The following MON1A variants were observed in gnomAD, a reference collection of about 807,000 sequenced individuals.
The protein encoded by MON1A is vacuolar fusion protein MON1 homolog A.
Under a neutral mutation model 44.6 loss-of-function variants are expected in MON1A, and 29 were observed. The ratio of observed to expected loss-of-function variants is 0.65; its 90% CI spans 0.48 to 0.89. The LOEUF is 0.89. MON1A is among the 40% of genes least tolerant of loss of function. The pLI, the probability that MON1A is intolerant of heterozygous loss-of-function variation, is 0.00. For missense variants in MON1A, 615 were observed against 759.6 expected (o/e 0.81, Z 2.24); for synonymous variants, 275 against 316.4 (o/e 0.87, Z 1.39).
At chr3:49,915,353 C>A (rs1207348723) in intron 1 of MON1A, among the ~76,000 whole-genome samples, 2 of 152,132 alleles carry the variant, frequency 1.3e-5, no homozygotes, top group Non-Finnish European at 2.9e-5. Context: ...CAAAGTGAGA[C>A]CCTGTCTCTA....
intron 1 of MON1A, among the ~76,000 whole-genome samples, chr3:49,921,434 A>T (rs546196303): frequency 5.6e-4 from 84 of 148,880 alleles, no homozygotes; most frequent in African/African-American, 1.9e-3. Flanking sequence ...CTGGGATTAC[A>T]GGCCTGAGCC....
intron 1 of MON1A, among the ~76,000 whole-genome samples, chr3:49,922,448 C>T (rs930117046): frequency 2.0e-5 from 3 of 150,418 alleles, no homozygotes; most frequent in Admixed American, 6.7e-5. Context: ...TGCCACCACA[C>T]TCCACCCTGG....
chr3:49,919,876 C>T (rs2082981612), intron 1 of MON1A, among the ~76,000 whole-genome samples: 1 of 152,332 alleles, frequency 6.6e-6, no homozygotes, highest in Non-Finnish European at 1.5e-5. Flanking sequence ...GGAATCCAAG[C>T]CACTAGCACC....
At chr3:49,929,412 A>G in intron 1 of MON1A, 197 bp downstream of exon 1, 5 of 670,030 alleles carry the variant, frequency 7.5e-6, no homozygotes, top group Non-Finnish European at 1.3e-5. Flanking sequence ...CAGCCAAAGG[A>G]TGGGTTCCAG....
chr3:49,918,340 A>G (rs2082966266), intron 1 of MON1A, among the ~76,000 whole-genome samples: 1 of 151,988 alleles, frequency 6.6e-6, no homozygotes, highest in African/African-American at 2.4e-5. Flanking sequence ...TCTGTCTCAA[A>G]AAAAAAGAAC....
At chr3:49,914,070 A>G (rs1369641724) in intron 1 of MON1A, among the ~76,000 whole-genome samples, 1 of 149,932 alleles carries the variant, frequency 6.7e-6, no homozygotes, top group East Asian at 2.0e-4. Flanking sequence ...ACAGCCAGCT[A>G]ATTTTCTTTT....
At chr3:49,928,540 T>C (rs957265131) in intron 1 of MON1A, among the ~76,000 whole-genome samples, 5 of 152,116 alleles carry the variant, frequency 3.3e-5, no homozygotes, top group Admixed American at 2.6e-4. Context: ...CAATCAGCCC[T>C]TGTAGTGTGC....
intron 2 of MON1A, 60 bp downstream of exon 2, chr3:49,913,160 T>C: frequency 6.2e-7 from 1 of 1,606,782 alleles, no homozygotes; most frequent in Non-Finnish European, 8.5e-7. Context: ...TTGGGAATCC[T>C]AATTCCCCCT....
At position 49,911,471 on chromosome 3, in the gene MON1A, T is replaced by C; in HGVS notation, c.613+55A>G. 6.4e-7 allele frequency: 1 copy of C among 1,552,664 alleles called. No homozygotes were observed. ...TGGTCTGCAGGGGTCCAAAACCTGC[T>C]ATGAATGAACCTTGGCCAGGGGAGC... is the stretch of plus-strand genomic sequence containing the variant. On this transcript the variant is annotated intron_variant, in intron 3 of 5. Coordinates refer to ENST00000296473, the MANE Select transcript of MON1A (RefSeq NM_032355.4). This position sits in a 1 kb window ranked among gnomAD's most constrained non-coding sequence, Gnocchi z 5.7.
intron 1 of MON1A, among the ~76,000 whole-genome samples, chr3:49,919,216 C>T (rs949844699): frequency 3.9e-5 from 6 of 152,040 alleles, no homozygotes; most frequent in African/African-American, 9.7e-5. Flanking sequence ...TGGGGGTGTT[C>T]GCTTTGTAAT....
At chr3:49,913,955 A>G (rs1177227839) in intron 1 of MON1A, among the ~76,000 whole-genome samples, 2 of 146,512 alleles carry the variant, frequency 1.4e-5, no homozygotes, top group African/African-American at 5.1e-5. Context: ...ACAGGGTCTC[A>G]CTCTGTTGCC....
At position 49,911,425 on chromosome 3, in the gene MON1A, A is replaced by C; in HGVS notation, c.613+101T>G. ...GAGGTAGAGGGACTTACCCTCAGTC[A>C]CACAGCACATCCCAGCCCTCTGGTC... is the stretch of plus-strand genomic sequence containing the variant. On this transcript the variant is annotated intron_variant, in intron 3 of 5. Transcript: ENST00000296473. The surrounding 1 kb of genome is among the most constrained non-coding windows in gnomAD (Gnocchi z 5.7). 1.4e-6 allele frequency: 2 copies of C among 1,480,624 alleles called. No homozygotes were observed. Among genetic ancestry groups the C allele is most frequent in the Non-Finnish European group, 1.8e-6 (2 of 1,111,370 alleles). 91.7% of individuals were successfully genotyped at this position (1,480,624 alleles called of 1,614,324 possible).
rs536053798 is a variant in MON1A at position 49,910,727 on chromosome 3, C to T, written c.771G>A (p.Gln257=). Residue 257 remains glutamine, a synonymous_variant, in exon 4 of 6, where the codon CAG becomes CAA. Transcript: ENST00000296473. The surrounding 1 kb of genome is among the most constrained non-coding windows in gnomAD (Gnocchi z 8.0). Reference sequence around the variant, plus strand: ...GCCGCAAATCATAGTTCTGCTTCTGCTGGAAGATGTGGCTCAGCTGCGCAC... The same window carrying T: ...GCCGCAAATCATAGTTCTGCTTCTGTTGGAAGATGTGGCTCAGCTGCGCAC... ...LTGAQLSHIF[Q]QKQNYDLRRL... 1.9e-6 allele frequency: 3 copies of T among 1,613,996 alleles called. No individual in the cohort carries two copies. In the African/African-American group the frequency reaches 4.0e-5, roughly 22 times the overall value.
rs10564221 is a variant in MON1A at position 49,911,190 on chromosome 3, TTAGATAGATAGATAGATAGA to T, written c.613+316_614-307del. On this transcript the variant is annotated intron_variant, in intron 3 of 5. Coordinates refer to ENST00000296473, the MANE Select transcript of MON1A (RefSeq NM_032355.4). The surrounding 1 kb of genome is among the most constrained non-coding windows in gnomAD (Gnocchi z 5.7). ...GCTCAGGACCTGGGAGATAGATAGA[TTAGATAGATAGATAGATAGA>T]TAGATAGATAGATAGATAGATAGAT... 4.3e-4 allele frequency among the ~76,000 whole-genome samples: 41 copies of T among 95,554 alleles called. No homozygotes were observed. The highest frequency in any genetic ancestry group is 2.0e-3 in the Admixed American group (21 of 10,316). The allele number at this position is 95,554 out of a possible 152,430, so 62.7% of individuals were successfully genotyped here. A position where few individuals can be genotyped will look rare whatever the true frequency, so the allele number is the denominator to read the frequency against.
chr3:49,927,442 A>G (rs916945364), intron 1 of MON1A, among the ~76,000 whole-genome samples: 2 of 152,216 alleles, frequency 1.3e-5, no homozygotes, highest in South Asian at 2.1e-4. Flanking sequence ...GTGTGACTGC[A>G]CTTATAATAC....
At chr3:49,914,029 TC>T (rs1026732523) in intron 1 of MON1A, among the ~76,000 whole-genome samples, 2 of 151,522 alleles carry the variant, frequency 1.3e-5, no homozygotes, top group Non-Finnish European at 2.9e-5. Context: ...CAAGCAGTCC[TC>T]CCATCTCAGC....
intron 2 of MON1A, 142 bp from the exon 3 acceptor site, chr3:49,912,153 T>A: frequency 9.6e-7 from 1 of 1,043,340 alleles, no homozygotes. Context: ...CTGTCTGCCA[T>A]GGATGATGCT....
rs368911032 is a variant in MON1A, at chr3:49,910,469, G to A, written c.1029C>T (p.Ile343=). The A allele has an allele frequency of 8.7e-6, 14 of 1,614,026 alleles. No individual in the cohort carries two copies. Among genetic ancestry groups the A allele is most frequent in the African/African-American group, 2.7e-5 (2 of 74,942 alleles). Residue 343 remains isoleucine (I), a synonymous_variant, in exon 4 of 6, where the codon ATC becomes ATT. Transcript: ENST00000296473. The surrounding 1 kb of genome is among the most constrained non-coding windows in gnomAD (Gnocchi z 8.0). ...VRRKDQFLHP[I]DLHLLFNLIS... ...TGAGGTTGAAGAGCAGGTGCAGGTC[G>A]ATGGGGTGCAGAAATTGGTCCTTTC...
At position 49,929,619 on chromosome 3, in the gene MON1A, G is replaced by C. The variant is rs2083077693; in HGVS notation, c.-24C>G. ...TGGCAGTCAACTCACCTGTTTCTCA[G>C]AGGAGTCCAGGACGCACAGAAGGTG... On this transcript the variant is annotated 5_prime_UTR_variant, in exon 1 of 6. Coordinates refer to ENST00000296473, the MANE Select transcript of MON1A (RefSeq NM_032355.4). 1 of 1,551,540 alleles carries C rather than the reference G, an allele frequency of 6.4e-7. No homozygotes were observed. The highest frequency in any genetic ancestry group is 1.2e-5 in the South Asian group (1 of 84,058).
Sources: allele counts gnomAD v4.1 joint callset (sites outside exome capture counted in the v4.1 genomes callset), GRCh38; gene constraint gnomAD v4.1.1; non-coding constraint Gnocchi (gnomAD v3.1); transcripts MANE v1.5; gene names NCBI Gene and HGNC (gene_info 2026-07-23, HGNC 2026-07-21).